The following TENM4 variants were observed in gnomAD, a reference collection of about 807,000 sequenced individuals.
TENM4 encodes teneurin transmembrane protein 4.
TENM4 carries 82 observed loss-of-function variants against 243.3 expected under a neutral mutation model. The observed-to-expected ratio is 0.34, with a 90% confidence interval of 0.28 to 0.40. The LOEUF (loss-of-function observed/expected upper bound fraction) is 0.40. Among genes scored for constraint, TENM4 ranks in the 10% least tolerant of loss-of-function variants. The pLI, the probability that TENM4 is intolerant of heterozygous loss-of-function variation, is 1.00. For synonymous variants in TENM4, 1,412 were observed against 1,456.3 expected (o/e 0.97, Z 0.69); for missense variants, 3,138 against 3,673.3 (o/e 0.85, Z 3.77).
intron 26 of TENM4, among the ~76,000 whole-genome samples, chr11:78,709,356 A>C (rs1180534071): frequency 6.6e-6 from 1 of 152,114 alleles, no homozygotes; most frequent in South Asian, 2.1e-4. Flanking sequence ...ATTTGTGTAG[A>C]GAATATTGTT....
At chr11:79,141,465 C>T (rs1264088414) in intron 4 of TENM4, among the ~76,000 whole-genome samples, 1 of 152,088 alleles carries the variant, frequency 6.6e-6, no homozygotes, top group Admixed American at 6.6e-5. Context: ...CCTGAACAGA[C>T]TAATGACAAG....
chr11:79,330,526 T>C (rs1041309237), intron 1 of TENM4, among the ~76,000 whole-genome samples: 5 of 152,096 alleles, frequency 3.3e-5, no homozygotes, highest in Admixed American at 6.5e-5. Context: ...CAGAACTTAA[T>C]AAAGGGCAAA....
intron 1 of TENM4, among the ~76,000 whole-genome samples, chr11:79,435,264 C>T (rs1045944740): frequency 2.0e-5 from 3 of 152,080 alleles, no homozygotes; most frequent in East Asian, 1.9e-4. Context: ...TATATAACCC[C>T]GGAAGCAATA....
chr11:79,418,787 C>T (rs553687604), intron 1 of TENM4, among the ~76,000 whole-genome samples: 7 of 152,348 alleles, frequency 4.6e-5, no homozygotes, highest in East Asian at 3.9e-4. Flanking sequence ...TACTCCATTA[C>T]GTGGCTGTGT....
At chr11:78,852,538 C>T (rs1324857748) in intron 12 of TENM4, among the ~76,000 whole-genome samples, 1 of 152,106 alleles carries the variant, frequency 6.6e-6, no homozygotes, top group Non-Finnish European at 1.5e-5. Flanking sequence ...CAAAAATTAG[C>T]TGGGCATGGT....
Position 79,039,810 on chromosome 11 carries a change from CAACA to C in TENM4, c.493+24924_493+24927del, listed in dbSNP as rs542469991. ...GAACTTAAAGTAAAATAAAATAAAT[CAACA>C]AACAAACAAAATAGTACCTCCTATA... On this transcript the variant is annotated intron_variant, in intron 6 of 33. Coordinates refer to ENST00000278550, the MANE Select transcript of TENM4 (RefSeq NM_001098816.3). Among the ~76,000 whole-genome samples, 751 of 152,122 alleles carry C rather than the reference CAACA, an allele frequency of 4.9e-3. 1 individual carries two copies. Among genetic ancestry groups the C allele is most frequent in the Middle Eastern group, 0.024 (7 of 294 alleles).
chr11:78,737,711 T>G (rs1855832248), intron 20 of TENM4, among the ~76,000 whole-genome samples: 1 of 152,222 alleles, frequency 6.6e-6, no homozygotes, highest in Non-Finnish European at 1.5e-5. Context: ...TCACCATCAC[T>G]TACTCATTCA....
chr11:78,903,974 C>T (rs529177241), intron 6 of TENM4: 74 of 396,774 alleles, frequency 1.9e-4, no homozygotes, highest in African/African-American at 1.5e-3. Flanking sequence ...ACTGATTTTA[C>T]AAACCCTCCA....
chr11:79,059,117 C>T (rs770725506), intron 6 of TENM4, among the ~76,000 whole-genome samples: 22 of 152,152 alleles, frequency 1.4e-4, no homozygotes, highest in Non-Finnish European at 2.2e-4. Flanking sequence ...TTAGGTTAAC[C>T]AATAATTTCC....
At position 78,668,929 on chromosome 11, in the gene TENM4, G is replaced by T; in HGVS notation, c.7408+8C>A. 6.2e-7 allele frequency: 1 copy of T among 1,609,616 alleles called. No individual in the cohort carries two copies. The highest frequency in any genetic ancestry group is 8.5e-7 in the Non-Finnish European group (1 of 1,176,560). On this transcript the variant is annotated splice_region_variant and intron_variant, in intron 32 of 33. Coordinates refer to ENST00000278550, the MANE Select transcript of TENM4 (RefSeq NM_001098816.3). Reference sequence around the variant, plus strand: ...GGGTCCTGCCCCTGAGTGAGCCGTGGTCCTTACCTGTCATGAAGCACTTGA... The same window carrying T: ...GGGTCCTGCCCCTGAGTGAGCCGTGTTCCTTACCTGTCATGAAGCACTTGA...
At chr11:79,354,912 A>G (rs1235876554) in intron 1 of TENM4, among the ~76,000 whole-genome samples, 1 of 152,224 alleles carries the variant, frequency 6.6e-6, no homozygotes, top group African/African-American at 2.4e-5. Flanking sequence ...TAGGTTATGA[A>G]GAATTTCCAT....
At chr11:78,842,643 T>C (rs1308983720) in intron 12 of TENM4, among the ~76,000 whole-genome samples, 1 of 152,242 alleles carries the variant, frequency 6.6e-6, no homozygotes, top group Non-Finnish European at 1.5e-5. Flanking sequence ...GTACTCCTCC[T>C]ACTTCCAGTC....
At chr11:79,341,802 A>G (rs1315791589) in intron 1 of TENM4, among the ~76,000 whole-genome samples, 1 of 152,206 alleles carries the variant, frequency 6.6e-6, no homozygotes, top group Non-Finnish European at 1.5e-5. Flanking sequence ...CCTAAAGCAC[A>G]TTATTTCACA....
intron 2 of TENM4, among the ~76,000 whole-genome samples, chr11:79,265,807 C>G (rs965046170): frequency 1.2e-4 from 19 of 152,134 alleles, no homozygotes; most frequent in African/African-American, 1.9e-4. Flanking sequence ...TAGTCCTTCT[C>G]TCAGCCTAGG....
intron 14 of TENM4, among the ~76,000 whole-genome samples, chr11:78,811,620 G>C (rs1181843193): frequency 6.6e-6 from 1 of 151,254 alleles, no homozygotes; most frequent in Non-Finnish European, 1.5e-5. Context: ...GATAAAAGAG[G>C]GCAGAGTTTG....
intron 6 of TENM4, among the ~76,000 whole-genome samples, chr11:79,014,945 C>T (rs1325372427): frequency 6.6e-6 from 1 of 152,214 alleles, no homozygotes; most frequent in East Asian, 1.9e-4. Flanking sequence ...TTTCACTCTA[C>T]ACAGTTGTAA....
At chr11:78,745,230 T>TTTC (rs1170831316) in intron 19 of TENM4, among the ~76,000 whole-genome samples, 3 of 147,860 alleles carry the variant, frequency 2.0e-5, no homozygotes, top group African/African-American at 7.5e-5. Context: ...TCTTTTTCTT[T>TTTC]TTTTTTTTTT....
chr11:79,024,400 C>A lies in TENM4; in HGVS notation c.493+40338G>T, dbSNP rs1188889777. Among the ~76,000 whole-genome samples the A allele has an allele frequency of 2.0e-5, 3 of 152,150 alleles. No homozygotes were observed. In the East Asian group the frequency reaches 5.8e-4, roughly 29 times the overall value. Reference sequence around the variant, plus strand: ...CTACTCTAGCAGAGAGGGGGGGCAGCATGGGTTGTTTATGTACTTTACATG... The same window carrying A: ...CTACTCTAGCAGAGAGGGGGGGCAGAATGGGTTGTTTATGTACTTTACATG... On this transcript the variant is annotated intron_variant, in intron 6 of 33. Transcript: ENST00000278550.
At chr11:79,274,048 G>T (rs1244911919) in intron 2 of TENM4, among the ~76,000 whole-genome samples, 1 of 152,234 alleles carries the variant, frequency 6.6e-6, no homozygotes, top group African/African-American at 2.4e-5. Flanking sequence ...CTGTGCGAGG[G>T]GGAAATGAGG....
Sources: gnomAD v4.1 joint callset for allele counts (sites outside exome capture counted in the v4.1 genomes callset) on GRCh38, gnomAD v4.1.1 for gene constraint, MANE v1.5 for transcripts, NCBI Gene and HGNC (gene_info 2026-07-23, HGNC 2026-07-21) for gene names.